EDNRB: variants seen among roughly 807,000 people sequenced by gnomAD.
EDNRB encodes the protein Hirschsprung disease 2.
In EDNRB, 18 loss-of-function variants were observed where a neutral mutation model predicts 46.4. The observed-to-expected ratio is 0.39, with a 90% CI of 0.27 to 0.57. The LOEUF (loss-of-function observed/expected upper bound fraction) is 0.57. Ranked by LOEUF, EDNRB falls within the 20% of genes least tolerant of loss-of-function variation. The pLI, the probability that EDNRB is intolerant of heterozygous loss-of-function variation, is 0.61. For missense variants in EDNRB, 434 were observed against 537.5 expected (o/e 0.81, Z 1.90); for synonymous variants, 213 against 204.9 (o/e 1.04, Z -0.34).
chr13:77,943,227 G>GTACA (rs1321936514), intron 1 of EDNRB, among the ~76,000 whole-genome samples: 1 of 152,044 alleles, frequency 6.6e-6, no homozygotes, highest in Admixed American at 6.6e-5. Flanking sequence ...ATTATCTCTG[G>GTACA]TACACAGACA....
At chr13:77,971,583 G>GTT (rs34484665) in intron 1 of EDNRB, among the ~76,000 whole-genome samples, 29 of 137,454 alleles carry the variant, frequency 2.1e-4, no homozygotes, top group African/African-American at 3.4e-4. Flanking sequence ...GCCAACATGA[G>GTT]TTTTTTTTTT....
intron 1 of EDNRB, among the ~76,000 whole-genome samples, chr13:77,948,002 A>C (rs1251263315): frequency 6.6e-6 from 1 of 152,164 alleles, no homozygotes; most frequent in African/African-American, 2.4e-5. Context: ...GGAGTGGGTA[A>C]TTATTGTGAG....
chr13:77,944,230 C>G (rs1428074557), intron 1 of EDNRB, among the ~76,000 whole-genome samples: 3 of 152,060 alleles, frequency 2.0e-5, no homozygotes, highest in African/African-American at 7.2e-5. Context: ...CAATAATGCT[C>G]TATGGGGAAT....
chr13:77,963,975 C>T (rs2137687975), intron 1 of EDNRB, among the ~76,000 whole-genome samples: 1 of 152,322 alleles, frequency 6.6e-6, no homozygotes, highest in African/African-American at 2.4e-5. Flanking sequence ...TGAACAGACA[C>T]TTCTCAGAAG....
Position 77,900,625 on chromosome 13 carries a change from GC to G in EDNRB, c.980del (p.Cys327SerfsTer19). 6.2e-7 allele frequency: 1 copy of G among 1,612,420 alleles called. No individual in the cohort carries two copies. Among genetic ancestry groups the G allele is most frequent in the Non-Finnish European group, 8.5e-7 (1 of 1,179,056 alleles). ...QRREVAKTVF[C>X]LVLVFALCWL... ...AGCAGAGGGCAAAGACAAGGACCAG[GC>G]AAAAGACGGTTTTGGCCACTTCCCG... On this transcript the variant is annotated frameshift_variant, in exon 5 of 7. Transcript: ENST00000646607. LOFTEE classifies it high-confidence loss of function.
chr13:77,948,841 T>C (rs1881008627), intron 1 of EDNRB, among the ~76,000 whole-genome samples: 1 of 152,224 alleles, frequency 6.6e-6, no homozygotes, highest in Non-Finnish European at 1.5e-5. Context: ...GTAGAAAATA[T>C]ACTTTCTTAA....
chr13:77,939,482 A>G (rs140042839), intron 1 of EDNRB: 2 of 152,310 alleles, frequency 1.3e-5, no homozygotes, highest in African/African-American at 4.8e-5. Flanking sequence ...TATTTGCCAA[A>G]ATAATACTTT....
chr13:77,938,610 C>A (rs1275824633), intron 1 of EDNRB, among the ~76,000 whole-genome samples: 3 of 152,158 alleles, frequency 2.0e-5, no homozygotes, highest in Non-Finnish European at 2.9e-5. Context: ...GGCATCCCTG[C>A]AATGATTAAA....
intron 1 of EDNRB, among the ~76,000 whole-genome samples, chr13:77,911,543 G>A (rs1041790824): frequency 2.0e-5 from 3 of 152,008 alleles, no homozygotes; most frequent in Non-Finnish European, 4.4e-5. Flanking sequence ...AGGTCAGCAG[G>A]CATGAGTGCA....
At chr13:77,900,732 A>C in intron 4 of EDNRB, 78 bp from the exon 5 acceptor site, 1 of 1,587,560 alleles carries the variant, frequency 6.3e-7, no homozygotes. Flanking sequence ...AACGACATTT[A>C]ATATTGTCTA....
chr13:77,940,616 A>G (rs1880715005), intron 1 of EDNRB, among the ~76,000 whole-genome samples: 1 of 152,302 alleles, frequency 6.6e-6, no homozygotes, highest in South Asian at 2.1e-4. Context: ...CTTAGGCATG[A>G]GAAGCATGTA....
At chr13:77,925,991 T>G (rs1880226342) in intron 1 of EDNRB, among the ~76,000 whole-genome samples, 1 of 152,164 alleles carries the variant, frequency 6.6e-6, no homozygotes, top group African/African-American at 2.4e-5. Flanking sequence ...AAGAGATCAT[T>G]TTGGAGCTTT....
At chr13:77,923,994 T>C (rs1880161226), upstream of EDNRB, among the ~76,000 whole-genome samples, 1 of 152,226 alleles carries the variant, frequency 6.6e-6, no homozygotes, top group South Asian at 2.1e-4. Context: ...TGCCAAAATC[T>C]GTAAAAAGTT....
chr13:77,973,964 A>AT (rs1379110599), intron 1 of EDNRB, among the ~76,000 whole-genome samples: 4 of 146,432 alleles, frequency 2.7e-5, no homozygotes, highest in East Asian at 2.0e-4. Context: ...GATGATAACC[A>AT]TTTTTTTCCA....
intron 1 of EDNRB, among the ~76,000 whole-genome samples, chr13:77,962,813 G>A (rs1566339871): frequency 6.6e-6 from 1 of 152,212 alleles, no homozygotes. Flanking sequence ...ATTCAATTAA[G>A]AAAAGAGGAA....
intron 1 of EDNRB, among the ~76,000 whole-genome samples, chr13:77,909,136 G>C (rs1341934594): frequency 1.3e-5 from 2 of 151,906 alleles, no homozygotes; most frequent in South Asian, 4.1e-4. Context: ...ATTGAAAAAA[G>C]GTGTGGCCAT....
upstream of EDNRB, among the ~76,000 whole-genome samples, chr13:77,924,186 A>G (rs1041960138): frequency 1.3e-5 from 2 of 152,248 alleles, no homozygotes; most frequent in Admixed American, 1.3e-4. Context: ...TTGCAAAGCC[A>G]TGCCAATTTC....
chr13:77,896,430 A>G lies in EDNRB; in HGVS notation c.*1770T>C, dbSNP rs376095550. 1.3e-6 allele frequency: 2 copies of G among 1,553,084 alleles called. No homozygotes were observed. The highest frequency in any genetic ancestry group is 1.7e-6 in the Non-Finnish European group (2 of 1,147,730). The stretch of plus-strand genomic sequence containing the variant: ...TGGGTGATTTATAAATAGAATCCAT[A>G]TGGTGTGTGAATTAATTATTATTGC... On this transcript the variant is annotated 3_prime_UTR_variant, in exon 7 of 7. Transcript: ENST00000646607.
upstream of EDNRB, among the ~76,000 whole-genome samples, chr13:77,922,140 A>G (rs1880104900): frequency 6.7e-6 from 1 of 150,098 alleles, no homozygotes; most frequent in African/African-American, 2.5e-5. Flanking sequence ...TTTTTTGGCT[A>G]GGTAAATGTG....
Sources: allele counts gnomAD v4.1 joint callset (sites outside exome capture counted in the v4.1 genomes callset), GRCh38; gene constraint gnomAD v4.1.1; transcripts MANE v1.5; gene names NCBI Gene and HGNC (gene_info 2026-07-23, HGNC 2026-07-21).